The following UBXN6 variants were observed in gnomAD, a reference collection of about 807,000 sequenced individuals.
UBXN6 encodes the protein UBX domain-containing protein 6.
In UBXN6, 44 loss-of-function variants were observed where a neutral mutation model predicts 51.4. The ratio of observed to expected loss-of-function variants is 0.86; its 90% CI spans 0.67 to 1.10. The LOEUF is 1.10. Among genes scored for constraint, UBXN6 ranks in the 50% least tolerant of loss-of-function variants. UBXN6 has a pLI of 0.00. For synonymous variants in UBXN6, 316 were observed against 263.2 expected (o/e 1.20, Z -1.94); for missense variants, 672 against 596.1 (o/e 1.13, Z -1.32).
In UBXN6 at chr19:4,454,036, T is replaced by G. The variant is rs780738119; in HGVS notation, c.141A>C (p.Gly47=). The change falls in exon 2 of 11, where the codon GGA becomes GGC. Residue 47 remains glycine (G), a synonymous_variant. Coordinates refer to ENST00000301281, the MANE Select transcript of UBXN6 (RefSeq NM_025241.3). ...CTGCCATCTGTGCCTCATTGGTGGGTCCCTGGCGGGGCGGCCTGGGGGCTG... is the reference window on the plus strand; with the variant it reads ...CTGCCATCTGTGCCTCATTGGTGGGGCCCTGGCGGGGCGGCCTGGGGGCTG... ...NQPAPRPPRQ[G]PTNEAQMAAA... 1.1e-4 allele frequency: 173 copies of G among 1,594,584 alleles called. No homozygotes were observed. Among genetic ancestry groups the G allele is most frequent in the Non-Finnish European group, 1.4e-4 (166 of 1,173,264 alleles).
chr19:4,454,017 T>C lies in UBXN6; in HGVS notation c.160A>G (p.Met54Val). ...PRQGPTNEAQ[M>V]AAAAALARLE... The stretch of plus-strand genomic sequence containing the variant: ...CGGGCTAGGGCGGCAGCGGCTGCCA[T>C]CTGTGCCTCATTGGTGGGTCCCTGG... The change falls in exon 2 of 11, where the codon ATG (methionine) becomes GTG (valine). Residue 54 changes from methionine to valine, a missense_variant. By Grantham distance (21) the Met-to-Val change is conservative. Coordinates refer to ENST00000301281, the MANE Select transcript of UBXN6 (RefSeq NM_025241.3). 1.2e-6 allele frequency: 2 copies of C among 1,605,336 alleles called. No individual in the cohort carries two copies. Among genetic ancestry groups the C allele is most frequent in the Non-Finnish European group, 1.7e-6 (2 of 1,177,606 alleles).
At chr19:4,448,676 T>A in intron 4 of UBXN6, 1 of 519,434 alleles carries the variant, frequency 1.9e-6, no homozygotes, top group Non-Finnish European at 3.5e-6. Flanking sequence ...CCATGGGACT[T>A]GGAAGCCAGT....
intron 6 of UBXN6, 35 bp downstream of exon 6, chr19:4,447,515 C>A (rs760327455): frequency 5.6e-6 from 9 of 1,611,728 alleles, no homozygotes; most frequent in Admixed American, 3.3e-5. Flanking sequence ...CCCCCACCCC[C>A]AGCCTGGGCC....
intron 5 of UBXN6, 180 bp from the exon 6 acceptor site, chr19:4,447,805 C>A: frequency 3.2e-6 from 2 of 627,660 alleles, no homozygotes; most frequent in Non-Finnish European, 5.7e-6. Context: ...CTCGGACACC[C>A]CATGGAGCCC....
chr19:4,451,486 G>C (rs1293979846), intron 4 of UBXN6, among the ~76,000 whole-genome samples: 1 of 152,204 alleles, frequency 6.6e-6, no homozygotes, highest in Non-Finnish European at 1.5e-5. Flanking sequence ...CTGAGTAGCA[G>C]GGACTGCAGG....
rs1599684049 is a variant in UBXN6, at chr19:4,457,743, A to C, written c.-46T>G. 1.7e-6 allele frequency: 2 copies of C among 1,205,736 alleles called. No individual in the cohort carries two copies. The highest frequency in any genetic ancestry group is 2.2e-6 in the Non-Finnish European group (2 of 904,566). 74.7% of individuals were successfully genotyped at this position (1,205,736 alleles called of 1,614,324 possible). On this transcript the variant is annotated 5_prime_UTR_variant, in exon 1 of 11. Transcript: ENST00000301281. ...CGGGGGGCCGCGGGGGCGGGGGGGC[A>C]CGGGGCCCAGTCGGGGACGGGGCCG...
chr19:4,450,758 C>CAAAAAAAAA (rs58900477), intron 4 of UBXN6: 9 of 43,800 alleles, frequency 2.1e-4, no homozygotes, highest in African/African-American at 4.8e-4. Flanking sequence ...GACTCTGTCT[C>CAAAAAAAAA]AAAAAAAAAA....
chr19:4,446,169 C>T lies in UBXN6; in HGVS notation c.1080G>A (p.Gly360=), dbSNP rs751064913. 17 of 1,609,558 alleles carry T rather than the reference C, an allele frequency of 1.1e-5. No homozygotes were observed. The highest frequency in any genetic ancestry group is 1.6e-4 in the Middle Eastern group (1 of 6,076). Residue 360 remains glycine (G), a synonymous_variant, in exon 10 of 11, where the codon GGG becomes GGA. Transcript: ENST00000301281. ...CCTCCCGGACGAACCCGTACACCGC[C>T]CCCAGCCGCTCCCGAGCGTAGAAAG... ...QGTFYARERL[G]AVYGFVREAL...
chr19:4,446,044 C>G lies in UBXN6; in HGVS notation c.1200+5G>C, dbSNP rs1974505911. 1.9e-6 allele frequency: 3 copies of G among 1,608,272 alleles called. No individual in the cohort carries two copies. Among genetic ancestry groups the G allele is most frequent in the East Asian group, 4.5e-5 (2 of 44,822 alleles). ...TCAGCGGTGCTCCTGCGGGCCGACACTCACCAGCCCGCACTCGTTCAAGGC... is the reference window on the plus strand; with the variant it reads ...TCAGCGGTGCTCCTGCGGGCCGACAGTCACCAGCCCGCACTCGTTCAAGGC... On this transcript the variant is annotated splice_donor_5th_base_variant and intron_variant, in intron 10 of 10. Transcript: ENST00000301281.
chr19:4,448,474 G>C, intron 4 of UBXN6, 59 bp from the exon 5 acceptor site: 1 of 1,388,284 alleles, frequency 7.2e-7, no homozygotes, highest in Non-Finnish European at 1.0e-6. Flanking sequence ...ACGGCCCTCC[G>C]CTGCCCAGGT....
intron 10 of UBXN6, 200 bp downstream of exon 10, chr19:4,445,849 G>A (rs1391410528): frequency 5.7e-6 from 6 of 1,057,418 alleles, no homozygotes. Context: ...CATTTGATGG[G>A]GAAACTGAGG....
At position 4,446,381 on chromosome 19, in the gene UBXN6, C is replaced by T. The variant is rs781219649; in HGVS notation, c.953G>A (p.Arg318Gln). ...SEAVERLSVLRTKAMREKEEQ... is the reference protein window; with the variant it reads ...SEAVERLSVLQTKAMREKEEQ... ...CTCCTTCTCCCGCATGGCCTTGGTC[C>T]GCAGCACGCTCAGCCGCTCCACCGC... Residue 318 changes from arginine to glutamine, a missense_variant, in exon 9 of 11, where the codon CGG becomes CAG. Transcript: ENST00000301281. The T allele has an allele frequency of 1.4e-5, 22 of 1,576,754 alleles. No homozygotes were observed. The East Asian group carries it at 1.8e-4, about 13-fold the overall frequency.
At chr19:4,446,236 C>A (rs1438622589) in intron 9 of UBXN6, 39 bp from the exon 10 acceptor site, 9 of 1,576,024 alleles carry the variant, frequency 5.7e-6, no homozygotes, top group Non-Finnish European at 6.9e-6. Flanking sequence ...GGGCCCAGGG[C>A]CCCCTACCAA....
At position 4,446,735 on chromosome 19, in the gene UBXN6, A is replaced by G. The variant is rs1290461030; in HGVS notation, c.701-16T>C. The G allele has an allele frequency of 6.2e-7, 1 of 1,609,276 alleles. No individual in the cohort carries two copies. The highest frequency in any genetic ancestry group is 1.7e-5 in the Admixed American group (1 of 59,850). On this transcript the variant is annotated splice_polypyrimidine_tract_variant and intron_variant, in intron 7 of 10. Transcript: ENST00000301281. ...TCGGGGTCCTCTACAGCGTGGCAGG[A>G]CATGGGTGTCACTGTGCAATGGAGA...
rs1480932276 is a variant in UBXN6, at chr19:4,446,907, C to T, written c.629G>A (p.Cys210Tyr). Residue 210 changes from cysteine (C) to tyrosine (Y), a missense_variant, in exon 7 of 11, where the codon TGC (cysteine) becomes TAC (tyrosine). Coordinates refer to ENST00000301281, the MANE Select transcript of UBXN6 (RefSeq NM_025241.3). ...AAAAAACTCGTGGGTCCCTTCCAGG[C>T]AGTTAATGCGCTCCTGGGGGTGGAG... Reference protein sequence around the residue: ...QNKVFQERINCLEGTHEFFEA... With the variant: ...QNKVFQERINYLEGTHEFFEA... 6.2e-7 allele frequency: 1 copy of T among 1,613,898 alleles called. No individual in the cohort carries two copies. The highest frequency in any genetic ancestry group is 8.5e-7 in the Non-Finnish European group (1 of 1,179,964).
chr19:4,455,963 C>A (rs1175003266), intron 1 of UBXN6, among the ~76,000 whole-genome samples: 2 of 152,110 alleles, frequency 1.3e-5, no homozygotes, highest in Non-Finnish European at 2.9e-5. Context: ...TGTCCATCGG[C>A]TCCCTCTAGA....
At chr19:4,453,076 A>C (rs1005096572) in intron 3 of UBXN6, among the ~76,000 whole-genome samples, 44 of 152,208 alleles carry the variant, frequency 2.9e-4, no homozygotes, top group Admixed American at 1.3e-4. Flanking sequence ...ACAGGCTCTG[A>C]AACCACAGAC....
intron 1 of UBXN6, among the ~76,000 whole-genome samples, chr19:4,455,660 C>T (rs1329993239): frequency 6.6e-6 from 1 of 152,142 alleles, no homozygotes; most frequent in Non-Finnish European, 1.5e-5. Context: ...CCCCTGGGCT[C>T]CCCGCAGTTC....
In UBXN6 at chr19:4,445,555, G is replaced by A. The variant is rs61729794; in HGVS notation, c.1269C>T (p.Ala423=). The change falls in exon 11 of 11, where the codon GCC becomes GCT. Residue 423 remains alanine (A), a synonymous_variant. Transcript: ENST00000301281. The part of the protein sequence containing the change: ...AVLEDIKAAG[A]EPDSILKPEL... ...CGGGTTTCAGGATGGAGTCCGGCTC[G>A]GCCCCCGCGGCCTTGATGTCCTCCA... 100 of 1,613,700 alleles carry A rather than the reference G, an allele frequency of 6.2e-5. No homozygotes were observed. Among genetic ancestry groups the A allele is most frequent in the South Asian group, 5.4e-4 (49 of 91,090 alleles).
Sources: allele counts gnomAD v4.1 joint callset (sites outside exome capture counted in the v4.1 genomes callset), GRCh38; gene constraint gnomAD v4.1.1; transcripts MANE v1.5; gene names NCBI Gene and HGNC (gene_info 2026-07-23, HGNC 2026-07-21).